Variants in MYO18B observed in about 807,000 individuals in gnomAD.
The protein encoded by MYO18B is myosin XVIIIB, also known as unconventional myosin-XVIIIb.
In MYO18B, 204 loss-of-function variants were observed where a neutral mutation model predicts 273.0. The observed-to-expected ratio is 0.75, with a 90% CI of 0.67 to 0.84. The LOEUF (loss-of-function observed/expected upper bound fraction) is 0.84, where lower values mean the gene tolerates loss of function less well. Among genes scored for constraint, MYO18B ranks in the 40% least tolerant of loss-of-function variants. MYO18B has a pLI of 0.00. For missense variants in MYO18B, 3,212 were observed against 3,287.6 expected (o/e 0.98, Z 0.56); for synonymous variants, 1,330 against 1,305.7 (o/e 1.02, Z -0.40).
the MYO18B span, among the ~76,000 whole-genome samples, chr22:26,047,228 G>C: frequency 6.7e-6 from 1 of 150,356 alleles, no homozygotes; most frequent in South Asian, 2.1e-4. Context: ...CCGGGTTCAC[G>C]CCATTCTCCT....
intron 39 of MYO18B, among the ~76,000 whole-genome samples, chr22:25,989,891 AC>A (rs2093245844): frequency 6.6e-6 from 1 of 151,514 alleles, no homozygotes; most frequent in African/African-American, 2.4e-5. Flanking sequence ...TGGGGTGAGC[AC>A]CCCCTCCTTC....
At chr22:25,797,130 G>A (rs1445729423) in intron 11 of MYO18B, among the ~76,000 whole-genome samples, 1 of 152,222 alleles carries the variant, frequency 6.6e-6, no homozygotes, top group Non-Finnish European at 1.5e-5. Flanking sequence ...AGGAGGCTGA[G>A]GTGAGAGAAT....
the MYO18B span, among the ~76,000 whole-genome samples, chr22:26,051,898 C>G: frequency 2.0e-5 from 3 of 152,216 alleles, no homozygotes; most frequent in African/African-American, 7.2e-5. Context: ...TTTTGAGGAT[C>G]TTTCTGTATT....
At chr22:25,876,153 A>G in intron 23 of MYO18B, 36 bp from the exon 24 acceptor site, 1 of 1,591,982 alleles carries the variant, frequency 6.3e-7, no homozygotes, top group Non-Finnish European at 8.6e-7. Context: ...CCTGGGTTGG[A>G]AAGGACCCTC....
intron 36 of MYO18B, 112 bp downstream of exon 36, chr22:25,947,940 G>A: frequency 1.3e-6 from 1 of 743,654 alleles, no homozygotes; most frequent in Non-Finnish European, 2.3e-6. Context: ...ATCTTGGAGG[G>A]ATAAGTGCAC....
At chr22:26,015,346 A>G (rs1935234044) in intron 42 of MYO18B, among the ~76,000 whole-genome samples, 1 of 152,226 alleles carries the variant, frequency 6.6e-6, no homozygotes, top group Non-Finnish European at 1.5e-5. Flanking sequence ...AGACACATGC[A>G]TATATATGGT....
At chr22:25,882,571 A>C (rs1464508433) in intron 25 of MYO18B, among the ~76,000 whole-genome samples, 1 of 152,196 alleles carries the variant, frequency 6.6e-6, no homozygotes, top group Non-Finnish European at 1.5e-5. Flanking sequence ...GCATGATGTC[A>C]TTTCTTTCAA....
chr22:25,939,925 C>T (rs1208757823), intron 34 of MYO18B, among the ~76,000 whole-genome samples: 1 of 152,192 alleles, frequency 6.6e-6, no homozygotes, highest in African/African-American at 2.4e-5. Context: ...TGGTTGTTGA[C>T]CCTACCTCGG....
intron 33 of MYO18B, among the ~76,000 whole-genome samples, chr22:25,916,670 G>A (rs1431470679): frequency 2.0e-5 from 3 of 152,168 alleles, no homozygotes; most frequent in Non-Finnish European, 2.9e-5. Flanking sequence ...ATGGTAGAAT[G>A]CATAACATCT....
chr22:25,962,003 C>A (rs2092923008), intron 39 of MYO18B, among the ~76,000 whole-genome samples: 1 of 152,188 alleles, frequency 6.6e-6, no homozygotes, highest in African/African-American at 2.4e-5. Context: ...GTGGAAGCAG[C>A]TAAGGCCCTC....
intron 25 of MYO18B, among the ~76,000 whole-genome samples, chr22:25,889,450 A>G (rs1233638460): frequency 6.6e-6 from 1 of 152,112 alleles, no homozygotes; most frequent in African/African-American, 2.4e-5. Context: ...ACCGCACCCA[A>G]TTCAATGCAT....
chr22:25,938,996 A>T (rs1341097349), intron 34 of MYO18B, among the ~76,000 whole-genome samples: 3 of 152,148 alleles, frequency 2.0e-5, no homozygotes, highest in Non-Finnish European at 4.4e-5. Flanking sequence ...TTTGCTCTTT[A>T]TAGAGATGAG....
chr22:25,879,630 T>TC lies in MYO18B; in HGVS notation c.4314+1584dup, dbSNP rs527678344. Among the ~76,000 whole-genome samples, 10 of 152,290 alleles carry TC rather than the reference T, an allele frequency of 6.6e-5. No homozygotes were observed. The East Asian group carries it at 1.9e-3, about 29-fold the overall frequency. Reference sequence around the variant, plus strand: ...ACTACATGAATCAGACAGTTCCCACTCCAAGAAGGTCACTGCAAATTACAG... The same window carrying TC: ...ACTACATGAATCAGACAGTTCCCACTCCCAAGAAGGTCACTGCAAATTACAG... On this transcript the variant is annotated intron_variant, in intron 25 of 43. Transcript: ENST00000335473.
intron 21 of MYO18B, among the ~76,000 whole-genome samples, chr22:25,862,837 CT>C (rs201702771): frequency 2.1e-5 from 3 of 141,856 alleles, no homozygotes; most frequent in East Asian, 2.1e-4. Flanking sequence ...GATGCATAGA[CT>C]TTTTTTTTGG....
the MYO18B span, among the ~76,000 whole-genome samples, chr22:26,058,348 G>A: frequency 6.6e-6 from 1 of 152,146 alleles, no homozygotes; most frequent in East Asian, 1.9e-4. Context: ...GAAGGTGGTT[G>A]CTGGAGGGCC....
Position 26,004,819 on chromosome 22 carries a change from G to C in MYO18B, c.6434G>C (p.Arg2145Pro). The change falls in exon 42 of 44, where the codon CGA (arginine) becomes CCA (proline). Residue 2145 changes from arginine (R) to proline (P), a missense_variant. Arg to Pro is a moderately radical substitution (Grantham distance 103). Coordinates refer to ENST00000335473, the MANE Select transcript of MYO18B (RefSeq NM_032608.7). ...ACAGATACTATGAGGACTCCTTCTCGACAGTCAGCCACCAGCAGCCGCATC... is the reference window on the plus strand; with the variant it reads ...ACAGATACTATGAGGACTCCTTCTCCACAGTCAGCCACCAGCAGCCGCATC... ...LATDTMRTPS[R>P]QSATSSRILS... The C allele has an allele frequency of 1.2e-6, 2 of 1,613,748 alleles. No homozygotes were observed. Among genetic ancestry groups the C allele is most frequent in the Non-Finnish European group, 1.7e-6 (2 of 1,179,744 alleles).
At chr22:25,952,770 C>T (rs1008801746) in intron 38 of MYO18B, among the ~76,000 whole-genome samples, 2 of 152,136 alleles carry the variant, frequency 1.3e-5, no homozygotes, top group Non-Finnish European at 2.9e-5. Flanking sequence ...TCTGCCCATT[C>T]TTCTATGCAT....
intron 33 of MYO18B, among the ~76,000 whole-genome samples, chr22:25,919,680 G>A (rs1278768153): frequency 2.0e-5 from 1 of 50,488 alleles, no homozygotes; most frequent in Non-Finnish European, 5.2e-5. Context: ...GTGTGTGTAT[G>A]TGTGTGTGTG....
intron 17 of MYO18B, among the ~76,000 whole-genome samples, chr22:25,841,734 G>A (rs78106149): frequency 0.041 from 6,246 of 152,242 alleles, 402 homozygotes; most frequent in African/African-American, 0.14. Context: ...ACTCGGTCAC[G>A]ATCCTCATTC....
Sources: gnomAD v4.1 joint callset for allele counts (sites outside exome capture counted in the v4.1 genomes callset) on GRCh38, gnomAD v4.1.1 for gene constraint, MANE v1.5 for transcripts, NCBI Gene and HGNC (gene_info 2026-07-23, HGNC 2026-07-21) for gene names.